Variants in MGLL observed in about 807,000 individuals in gnomAD.
MGLL encodes the protein lysophospholipase homolog.
In MGLL, 7 loss-of-function variants were observed where a neutral mutation model predicts 29.1. The ratio of observed to expected loss-of-function variants is 0.24; its 90% confidence interval spans 0.14 to 0.45. The LOEUF is 0.45. Among genes scored for constraint, MGLL ranks in the 20% least tolerant of loss-of-function variants. MGLL has a pLI of 0.99. For synonymous variants in MGLL, 148 were observed against 168.3 expected (o/e 0.88, Z 0.93); for missense variants, 356 against 413.6 (o/e 0.86, Z 1.21).
chr3:127,813,763 A>G lies in MGLL; in HGVS notation c.155+7931T>C, dbSNP rs955705338. On this transcript the variant is annotated intron_variant, in intron 2 of 7. Coordinates refer to ENST00000265052, the MANE Select transcript of MGLL (RefSeq NM_007283.7). ...TTTTGAGAGTCTGGTGGAGCCTATGATCCATCTTCCTTTCCTAGAAAAGTG... is the reference window on the plus strand; with the variant it reads ...TTTTGAGAGTCTGGTGGAGCCTATGGTCCATCTTCCTTTCCTAGAAAAGTG... Among the ~76,000 whole-genome samples, 4 of 152,166 alleles carry G rather than the reference A, an allele frequency of 2.6e-5. No homozygotes were observed. In the South Asian group the frequency reaches 8.3e-4, roughly 32 times the overall value.
intron 2 of MGLL, 137 bp from the exon 3 acceptor site, chr3:127,782,032 C>T: frequency 1.3e-6 from 1 of 770,618 alleles, no homozygotes; most frequent in Non-Finnish European, 2.3e-6. Flanking sequence ...ACCAGCCTGA[C>T]CAACATAGTG....
At chr3:127,739,376 C>T (rs2107652820) in intron 3 of MGLL, among the ~76,000 whole-genome samples, 1 of 152,260 alleles carries the variant, frequency 6.6e-6, no homozygotes, top group Admixed American at 6.5e-5. Flanking sequence ...AGTAAGTGGG[C>T]AGTAAATATT....
intron 2 of MGLL, among the ~76,000 whole-genome samples, chr3:127,816,668 A>T (rs964577228): frequency 6.6e-6 from 1 of 152,216 alleles, no homozygotes; most frequent in Non-Finnish European, 1.5e-5. Context: ...AGATGGGGGA[A>T]GTGCCCGAGG....
intron 1 of MGLL, 154 bp downstream of exon 1, chr3:127,822,155 A>G: frequency 1.2e-6 from 1 of 829,116 alleles, no homozygotes; most frequent in Non-Finnish European, 1.9e-6. Flanking sequence ...ATCAAGTGGA[A>G]ATTATAGTCA....
chr3:127,791,796 A>C (rs1020092695), intron 2 of MGLL, among the ~76,000 whole-genome samples: 1 of 152,170 alleles, frequency 6.6e-6, no homozygotes, highest in African/African-American at 2.4e-5. Flanking sequence ...ATCTGTTGGG[A>C]GTAGTGACTT....
intron 3 of MGLL, among the ~76,000 whole-genome samples, chr3:127,771,936 C>T (rs1382520256): frequency 6.6e-6 from 1 of 152,158 alleles, no homozygotes; most frequent in Non-Finnish European, 1.5e-5. Flanking sequence ...CTCCTCCTGG[C>T]CTCCATGAGG....
At chr3:127,773,954 C>G (rs574474222) in intron 3 of MGLL, among the ~76,000 whole-genome samples, 2 of 152,332 alleles carry the variant, frequency 1.3e-5, no homozygotes, top group African/African-American at 4.8e-5. Context: ...CAAAGTCCTC[C>G]CCACACTCCC....
At chr3:127,740,911 A>T (rs9759081) in intron 3 of MGLL, among the ~76,000 whole-genome samples, 36,302 of 152,164 alleles carry the variant, frequency 0.24, 4,559 homozygotes, top group Admixed American at 0.31. Context: ...AACGCCCCCA[A>T]AGCAGTGCAA....
chr3:127,754,107 C>T (rs760213487), intron 3 of MGLL, among the ~76,000 whole-genome samples: 7 of 152,212 alleles, frequency 4.6e-5, no homozygotes, highest in East Asian at 3.9e-4. Flanking sequence ...CTGCACTCTA[C>T]GGAGGAGGCC....
intron 3 of MGLL, among the ~76,000 whole-genome samples, chr3:127,771,622 C>G (rs182505080): frequency 6.6e-6 from 1 of 152,252 alleles, no homozygotes; most frequent in African/African-American, 2.4e-5. Context: ...TCCCAAGGTG[C>G]TGGGATTACA....
chr3:127,763,259 T>C (rs985128847), intron 3 of MGLL, among the ~76,000 whole-genome samples: 4 of 152,142 alleles, frequency 2.6e-5, no homozygotes, highest in Non-Finnish European at 4.4e-5. Context: ...GGAGGGTACA[T>C]CATCTCCAAG....
intron 5 of MGLL, chr3:127,713,494 G>A (rs2075758595): frequency 6.6e-6 from 1 of 152,302 alleles, no homozygotes; most frequent in Admixed American, 6.5e-5. Context: ...ACTGTTTTAT[G>A]TAAGCCAGCT....
At chr3:127,753,978 C>T (rs2076608124) in intron 3 of MGLL, among the ~76,000 whole-genome samples, 1 of 152,256 alleles carries the variant, frequency 6.6e-6, no homozygotes, top group African/African-American at 2.4e-5. Flanking sequence ...TCCCACCAGC[C>T]TCGTCACAGC....
chr3:127,759,053 G>C (rs763693020), intron 3 of MGLL, among the ~76,000 whole-genome samples: 3 of 151,680 alleles, frequency 2.0e-5, no homozygotes, highest in Admixed American at 2.0e-4. Context: ...GTCCTGAGTA[G>C]CTAGCTGGGA....
rs1428535790 is a variant in MGLL, at chr3:127,715,708, T to C, written c.511-5043A>G. ...TTGAGGCGGCATGACGAGGAAGCAG[T>C]GGGGAAGGAAGGAGTCATGGCAGGT... On this transcript the variant is annotated intron_variant, in intron 5 of 7. Coordinates refer to ENST00000265052, the MANE Select transcript of MGLL (RefSeq NM_007283.7). The C allele has an allele frequency of 1.5e-5, 7 of 456,356 alleles. No individual in the cohort carries two copies. In the East Asian group the frequency reaches 2.8e-4, roughly 18 times the overall value. The allele number at this position is 456,356 out of a possible 1,614,324, so 28.3% of individuals were successfully genotyped here.
intron 3 of MGLL, among the ~76,000 whole-genome samples, chr3:127,775,461 C>T (rs1235386856): frequency 2.0e-5 from 3 of 151,922 alleles, no homozygotes; most frequent in Non-Finnish European, 4.4e-5. Flanking sequence ...ACAATTATTC[C>T]CCCTGAATTT....
At chr3:127,736,920 C>G (rs936492738) in intron 3 of MGLL, among the ~76,000 whole-genome samples, 1 of 152,156 alleles carries the variant, frequency 6.6e-6, no homozygotes, top group Non-Finnish European at 1.5e-5. Flanking sequence ...GTCTAGAACT[C>G]CTGACCTCAA....
intron 3 of MGLL, among the ~76,000 whole-genome samples, chr3:127,765,167 C>A (rs567149314): frequency 1.3e-5 from 2 of 152,178 alleles, no homozygotes; most frequent in Non-Finnish European, 2.9e-5. Flanking sequence ...TAGAATTATT[C>A]AGTCTTTCTT....
intron 3 of MGLL, among the ~76,000 whole-genome samples, chr3:127,742,426 C>T (rs922809537): frequency 2.6e-5 from 4 of 151,916 alleles, no homozygotes; most frequent in Admixed American, 2.6e-4. Flanking sequence ...CCCATCTCTA[C>T]TAAAAATACA....
Sources: allele counts gnomAD v4.1 joint callset (sites outside exome capture counted in the v4.1 genomes callset), GRCh38; gene constraint gnomAD v4.1.1; transcripts MANE v1.5; gene names NCBI Gene and HGNC (gene_info 2026-07-23, HGNC 2026-07-21).